Variants in WNT3 observed in about 807,000 individuals in gnomAD.
WNT3 encodes proto-oncogene Wnt-3.
WNT3 carries 7 observed loss-of-function variants against 34.2 expected under a neutral mutation model. That is an observed-to-expected ratio of 0.20 (90% CI 0.12 to 0.38). The LOEUF is 0.38. WNT3 is among the 10% of genes least tolerant of loss of function. WNT3 has a pLI of 1.00. For missense variants in WNT3, 267 were observed against 499.8 expected, an observed-to-expected ratio of 0.53 and a Z score of 4.44; for synonymous variants, 212 against 211.5, an observed-to-expected ratio of 1.00 and a Z score of -0.02.
chr17:46,773,500 C>A (rs1247356661), intron 2 of WNT3, among the ~76,000 whole-genome samples, 168 bp downstream of exon 2: 2 of 152,066 alleles, frequency 1.3e-5, no homozygotes, highest in East Asian at 3.9e-4. Context: ...GGCGGCCCAG[C>A]CCCCAGCAGC....
chr17:46,768,854 C>T lies in WNT3; in HGVS notation c.589-55G>A. 6.3e-7 allele frequency: 1 copy of T among 1,587,612 alleles called. No individual in the cohort carries two copies. Among genetic ancestry groups the T allele is most frequent in the Non-Finnish European group, 8.5e-7 (1 of 1,169,724 alleles). On this transcript the variant is annotated intron_variant, in intron 3 of 4. Transcript: ENST00000225512. The surrounding 1 kb of genome is among the most constrained non-coding windows in gnomAD (Gnocchi z 5.0). The stretch of plus-strand genomic sequence containing the variant: ...AGACCGACCCCACGAGGGGGCACAT[C>T]CAGGCCTTCCCTCTCTGCCACTGCC...
chr17:46,816,135 A>ACT (rs2084342010), intron 1 of WNT3, among the ~76,000 whole-genome samples: 2 of 53,762 alleles, frequency 3.7e-5, no homozygotes, highest in African/African-American at 6.2e-5. Flanking sequence ...ACACACTCAC[A>ACT]CACACGCACG....
chr17:46,774,917 G>A (rs2059401817), intron 1 of WNT3, among the ~76,000 whole-genome samples: 1 of 152,158 alleles, frequency 6.6e-6, no homozygotes, highest in African/African-American at 2.4e-5. Context: ...TATGACCAGG[G>A]GCAGTGTGAG....
chr17:46,771,419 G>A (rs916051276), intron 2 of WNT3, among the ~76,000 whole-genome samples: 6 of 151,196 alleles, frequency 4.0e-5, no homozygotes, highest in African/African-American at 1.5e-4. Flanking sequence ...CTCGTTTCCG[G>A]CCGGCCTGCG....
At position 46,801,545 on chromosome 17, in the gene WNT3, G is replaced by C. The variant is rs568615736; in HGVS notation, c.80+16973C>G. Among the ~76,000 whole-genome samples, 156 of 152,288 alleles carry C rather than the reference G, an allele frequency of 1.0e-3. 3 individuals are homozygous for C. Among genetic ancestry groups the C allele is most frequent in the Non-Finnish European group, 6.6e-4 (45 of 68,032 alleles). ...TGGGGCAGGAGAATAGCTTGAACCT[G>C]GGAGGCGGAGGCTGCAGTGAGCTGT... is the stretch of plus-strand genomic sequence containing the variant. On this transcript the variant is annotated intron_variant, in intron 1 of 4. Coordinates refer to ENST00000225512, the MANE Select transcript of WNT3 (RefSeq NM_030753.5).
chr17:46,792,794 A>T (rs2084003531), intron 1 of WNT3, among the ~76,000 whole-genome samples: 1 of 152,238 alleles, frequency 6.6e-6, no homozygotes, highest in East Asian at 1.9e-4. Flanking sequence ...TAATAATAAT[A>T]GTTAACATTT....
intron 1 of WNT3, among the ~76,000 whole-genome samples, chr17:46,794,868 A>C (rs868784412): frequency 6.6e-6 from 1 of 150,972 alleles, no homozygotes; most frequent in Non-Finnish European, 1.5e-5. Flanking sequence ...CTCGTGCCTC[A>C]GCCTTCCGAG....
chr17:46,787,450 G>A (rs935106578), intron 1 of WNT3, among the ~76,000 whole-genome samples: 22 of 152,142 alleles, frequency 1.4e-4, no homozygotes, highest in Non-Finnish European at 2.1e-4. Flanking sequence ...CAGCTCCTTG[G>A]GGAAATTAAG....
Position 46,796,767 on chromosome 17 carries a change from G to C in WNT3, c.80+21751C>G, listed in dbSNP as rs148166552. On this transcript the variant is annotated intron_variant, in intron 1 of 4. Coordinates refer to ENST00000225512, the MANE Select transcript of WNT3 (RefSeq NM_030753.5). ...CCTGGTTCCTGGCTGCTGCATAGGA[G>C]AGGGGGCTCAGCTGGATGGCTGACT... Among the ~76,000 whole-genome samples, 255 of 152,374 alleles carry C rather than the reference G, an allele frequency of 1.7e-3. 1 individual carries two copies. Among genetic ancestry groups the C allele is most frequent in the African/African-American group, 6.0e-3 (249 of 41,590 alleles).
intron 1 of WNT3, among the ~76,000 whole-genome samples, chr17:46,778,311 A>G (rs1380291103): frequency 6.6e-6 from 1 of 152,180 alleles, no homozygotes; most frequent in Non-Finnish European, 1.5e-5. Context: ...TGTGATCTGG[A>G]TGAGGGTTCA....
chr17:46,784,932 T>C (rs535852319), intron 1 of WNT3, among the ~76,000 whole-genome samples: 119 of 152,152 alleles, frequency 7.8e-4, no homozygotes, highest in Admixed American at 2.4e-3. Context: ...CCCGCCACCA[T>C]GCCCGGCTAA....
At chr17:46,809,782 T>C (rs900539216) in intron 1 of WNT3, among the ~76,000 whole-genome samples, 3 of 152,164 alleles carry the variant, frequency 2.0e-5, no homozygotes, top group Admixed American at 6.5e-5. Context: ...CCGTGACCAG[T>C]TGGCTTCAGA....
chr17:46,799,446 C>T (rs2084096046), intron 1 of WNT3, among the ~76,000 whole-genome samples: 1 of 121,542 alleles, frequency 8.2e-6, no homozygotes, highest in Non-Finnish European at 1.7e-5. Flanking sequence ...ATTATTTCTA[C>T]TTTTTTTTTT....
chr17:46,778,658 A>G (rs1045596388), intron 1 of WNT3, among the ~76,000 whole-genome samples: 1 of 152,130 alleles, frequency 6.6e-6, no homozygotes, highest in Non-Finnish European at 1.5e-5. Flanking sequence ...AGTGACTCTC[A>G]TGCTCCTCGA....
intron 1 of WNT3, among the ~76,000 whole-genome samples, chr17:46,784,441 C>T (rs938315944): frequency 6.6e-6 from 1 of 151,944 alleles, no homozygotes; most frequent in Non-Finnish European, 1.5e-5. Flanking sequence ...ATACTTTAGG[C>T]CCCATCTTGG....
rs2059287074 is a variant in WNT3 at position 46,763,653 on chromosome 17, G to A, written c.*977C>T. On this transcript the variant is annotated 3_prime_UTR_variant, in exon 5 of 5. Transcript: ENST00000225512. ...GGACCCTTTGTCTAACTTATACTAA[G>A]GTGACCTGGAGTCCAACTGCTCTAC... 6.6e-6 allele frequency: 1 copy of A among 152,020 alleles called. No homozygotes were observed. Among genetic ancestry groups the A allele is most frequent in the African/African-American group, 2.4e-5 (1 of 41,390 alleles). The allele number at this position is 152,020 out of a possible 1,614,324, so 9.4% of individuals were successfully genotyped here. A position where few individuals can be genotyped will look rare whatever the true frequency, so the allele number is the denominator to read the frequency against.
chr17:46,797,833 C>T (rs986900209), intron 1 of WNT3, among the ~76,000 whole-genome samples: 2 of 152,214 alleles, frequency 1.3e-5, no homozygotes, highest in African/African-American at 4.8e-5. Context: ...AATAGCTCAA[C>T]ATAGAGGGCC....
intron 2 of WNT3, among the ~76,000 whole-genome samples, chr17:46,770,379 T>G (rs559053692): frequency 2.0e-5 from 3 of 152,226 alleles, no homozygotes; most frequent in African/African-American, 7.2e-5. Context: ...CAGCCACTTC[T>G]GTCCTGGTCC....
At chr17:46,792,521 T>TG (rs1190293585) in intron 1 of WNT3, among the ~76,000 whole-genome samples, 1 of 152,148 alleles carries the variant, frequency 6.6e-6, no homozygotes, top group Non-Finnish European at 1.5e-5. Context: ...TCACCCAGGC[T>TG]GGAGTGCAAT....
Sources: gnomAD v4.1 joint callset for allele counts (sites outside exome capture counted in the v4.1 genomes callset) on GRCh38, gnomAD v4.1.1 for gene constraint, Gnocchi (gnomAD v3.1) non-coding constraint, MANE v1.5 for transcripts, NCBI Gene and HGNC (gene_info 2026-07-23, HGNC 2026-07-21) for gene names.